NANS: variants seen among roughly 807,000 people sequenced by gnomAD.
NANS encodes N-acetylneuraminate-9-phosphate synthase.
NANS carries 29 observed loss-of-function variants against 33.3 expected under a neutral mutation model. The ratio of observed to expected loss-of-function variants is 0.87; its 90% CI spans 0.65 to 1.19. NANS has a LOEUF of 1.19. NANS is among the 50% of genes most tolerant of loss of function. The pLI, the probability that NANS is intolerant of heterozygous loss-of-function variation, is 0.00. For synonymous variants in NANS, 163 were observed against 177.2 expected (o/e 0.92, Z 0.64); for missense variants, 394 against 461.1 (o/e 0.85, Z 1.33).
chr9:98,074,501 T>TCTTC (rs1274681603), intron 2 of NANS: 12 of 152,190 alleles, frequency 7.9e-5, no homozygotes, highest in African/African-American at 2.9e-4. Context: ...AAAGTTAGGA[T>TCTTC]CTTCCAGATT....
At chr9:98,071,705 C>T (rs775658029) in intron 2 of NANS, among the ~76,000 whole-genome samples, 11 of 152,150 alleles carry the variant, frequency 7.2e-5, no homozygotes, top group African/African-American at 1.4e-4. Context: ...TTTCATTTTC[C>T]GTGTGTGACC....
chr9:98,074,992 CAGGA>C (rs1829519061), intron 2 of NANS: 1 of 152,022 alleles, frequency 6.6e-6, no homozygotes. Context: ...GAGACACAAA[CAGGA>C]AGGAGTGAGG....
intron 2 of NANS, among the ~76,000 whole-genome samples, chr9:98,062,301 G>A (rs1829006762): frequency 6.6e-6 from 1 of 152,036 alleles, no homozygotes; most frequent in African/African-American, 2.4e-5. Context: ...GGGGACACTG[G>A]CACTGTCCAG....
At chr9:98,077,649 G>A (rs911620496) in intron 3 of NANS, among the ~76,000 whole-genome samples, 10 of 152,270 alleles carry the variant, frequency 6.6e-5, no homozygotes, top group East Asian at 1.9e-4. Flanking sequence ...GTTTGAGACC[G>A]CAGTGGGACA....
intron 2 of NANS, among the ~76,000 whole-genome samples, chr9:98,074,260 G>C (rs994277230): frequency 2.0e-5 from 3 of 152,182 alleles, no homozygotes; most frequent in Non-Finnish European, 4.4e-5. Context: ...AGCCCGAGGA[G>C]AGTTGTACAT....
intron 2 of NANS, among the ~76,000 whole-genome samples, chr9:98,062,855 C>A (rs570711376): frequency 7.5e-6 from 1 of 132,924 alleles, no homozygotes; most frequent in African/African-American, 2.8e-5. Context: ...TGTGTTCTTT[C>A]TTACAGCTGC....
intron 2 of NANS, among the ~76,000 whole-genome samples, chr9:98,068,650 T>TAAAA (rs55679709): frequency 5.9e-4 from 75 of 127,702 alleles, no homozygotes; most frequent in African/African-American, 2.1e-3. Flanking sequence ...CCCCATCTAT[T>TAAAA]AAAAAAAAAA....
intron 4 of NANS, 42 bp downstream of exon 4, chr9:98,078,389 A>G (rs371472613): frequency 6.3e-6 from 10 of 1,596,276 alleles, no homozygotes; most frequent in Middle Eastern, 1.8e-4. Context: ...GCCATTTACT[A>G]TGGGGAAGGC....
intron 4 of NANS, 35 bp from the exon 5 acceptor site, chr9:98,080,781 A>C (rs937739204): frequency 4.5e-6 from 7 of 1,542,098 alleles, no homozygotes; most frequent in Non-Finnish European, 6.1e-6. Context: ...AAGCAGCATG[A>C]TATTTAATGT....
intron 4 of NANS, 128 bp from the exon 5 acceptor site, chr9:98,080,688 C>A: frequency 9.9e-7 from 1 of 1,011,228 alleles, no homozygotes. Flanking sequence ...CAGAGAGCCT[C>A]AGTATCTTGC....
intron 1 of NANS, among the ~76,000 whole-genome samples, chr9:98,059,852 A>G (rs939136488): frequency 6.6e-6 from 1 of 152,108 alleles, no homozygotes; most frequent in African/African-American, 2.4e-5. Flanking sequence ...TAACCTGTTC[A>G]AAGAAAATGT....
intron 1 of NANS, among the ~76,000 whole-genome samples, chr9:98,057,500 T>C (rs2131615923): frequency 6.6e-6 from 1 of 152,334 alleles, no homozygotes; most frequent in Non-Finnish European, 1.5e-5. Context: ...TGTGTGAACA[T>C]GGGCTGCTTA....
In NANS at chr9:98,059,190, A is replaced by T. The variant is rs1027126926; in HGVS notation, c.133-1592A>T. On this transcript the variant is annotated intron_variant, in intron 1 of 5. Coordinates refer to ENST00000210444, the MANE Select transcript of NANS (RefSeq NM_018946.4). Reference sequence around the variant, plus strand: ...AGGTGCCCACCACCACACCTAGCTAATTTTTTGTATTTTTAGTAGAGACGG... The same window carrying T: ...AGGTGCCCACCACCACACCTAGCTATTTTTTTGTATTTTTAGTAGAGACGG... 1.4e-4 allele frequency among the ~76,000 whole-genome samples: 21 copies of T among 151,636 alleles called. No individual in the cohort carries two copies. The East Asian group carries it at 3.9e-3, about 28-fold the overall frequency.
In NANS at chr9:98,065,483, ATT is replaced by A. The variant is rs397837187; in HGVS notation, c.348+4512_348+4513del. Among the ~76,000 whole-genome samples, 416 of 58,604 alleles carry A rather than the reference ATT, an allele frequency of 7.1e-3. 2 individuals carry two copies. Among genetic ancestry groups the A allele is most frequent in the South Asian group, 0.031 (32 of 1,022 alleles). 38.4% of individuals were successfully genotyped at this position (58,604 alleles called of 152,430 possible). ...AGGCGTCCACCACCATGCCCAGCTA[ATT>A]TTTTTTTTTTTTTTTTTTTTTTTTT... is the stretch of plus-strand genomic sequence containing the variant. On this transcript the variant is annotated intron_variant, in intron 2 of 5. Transcript: ENST00000210444.
rs142026585 is a variant in NANS at position 98,061,551 on chromosome 9, A to G, written c.348+554A>G. Reference sequence around the variant, plus strand: ...AATCCCAGCACTTTGGGAGGCTGAGACAGGCAGGTCACGAGGTCAAGAGAT... The same window carrying G: ...AATCCCAGCACTTTGGGAGGCTGAGGCAGGCAGGTCACGAGGTCAAGAGAT... On this transcript the variant is annotated intron_variant, in intron 2 of 5. Transcript: ENST00000210444. 4.1e-4 allele frequency among the ~76,000 whole-genome samples: 62 copies of G among 149,598 alleles called. 2 individuals are homozygous for G. The East Asian group carries it at 0.011, about 27-fold the overall frequency.
chr9:98,061,762 G>C (rs1221638682), intron 2 of NANS, among the ~76,000 whole-genome samples: 2 of 149,764 alleles, frequency 1.3e-5, no homozygotes, highest in South Asian at 4.2e-4. Context: ...CCTGGTGATA[G>C]AGCAAGATTC....
intron 2 of NANS, chr9:98,069,837 C>G (rs376207472): frequency 2.0e-3 from 297 of 152,256 alleles, no homozygotes; most frequent in African/African-American, 6.9e-3. Flanking sequence ...CGTGGCAGTG[C>G]TCACATGAGT....
At chr9:98,068,650 TA>T (rs55679709) in intron 2 of NANS, among the ~76,000 whole-genome samples, 563 of 127,536 alleles carry the variant, frequency 4.4e-3, no homozygotes, top group Admixed American at 5.4e-3. Flanking sequence ...CCCCATCTAT[TA>T]AAAAAAAAAA....
chr9:98,064,559 T>C (rs923797259), intron 2 of NANS, among the ~76,000 whole-genome samples: 1 of 152,132 alleles, frequency 6.6e-6, no homozygotes, highest in Non-Finnish European at 1.5e-5. Flanking sequence ...CCCGCCCTAA[T>C]TCCCTACTTT....
Sources: gnomAD v4.1 joint callset for allele counts (sites outside exome capture counted in the v4.1 genomes callset) on GRCh38, gnomAD v4.1.1 for gene constraint, MANE v1.5 for transcripts, NCBI Gene and HGNC (gene_info 2026-07-23, HGNC 2026-07-21) for gene names.